CCDC158: variants seen among roughly 807,000 people sequenced by gnomAD.
CCDC158 encodes coiled-coil domain containing 158.
CCDC158 carries 116 observed loss-of-function variants against 138.6 expected under a neutral mutation model. The ratio of observed to expected loss-of-function variants is 0.84; its 90% CI spans 0.72 to 0.98. CCDC158 has a LOEUF of 0.98. CCDC158 is among the 50% of genes least tolerant of loss of function. The pLI is 0.00. For missense variants in CCDC158, 1,265 were observed against 1,306.1 expected, an observed-to-expected ratio of 0.97 and a Z score of 0.48; for synonymous variants, 436 against 442.4, an observed-to-expected ratio of 0.99 and a Z score of 0.18.
rs1725251571 is a variant in CCDC158, at chr4:76,371,647, T to A, written c.1030-111A>T. The A allele has an allele frequency of 3.7e-6, 5 of 1,351,860 alleles. No individual in the cohort carries two copies. In the Admixed American group the frequency reaches 1.0e-4, roughly 27 times the overall value. 83.7% of individuals were successfully genotyped at this position (1,351,860 alleles called of 1,614,324 possible). ...TTATTTTGAGAACAAAAATAAAAGT[T>A]CGTTGTGAGGCTGGGTGCAGTGGCT... On this transcript the variant is annotated intron_variant, in intron 9 of 24. Transcript: ENST00000682701.
At position 76,384,269 on chromosome 4, in the gene CCDC158, T is replaced by A. The variant is rs779904900; in HGVS notation, c.545A>T (p.His182Leu). 1.9e-6 allele frequency: 3 copies of A among 1,614,166 alleles called. No homozygotes were observed. The highest frequency in any genetic ancestry group is 4.5e-5 in the East Asian group (2 of 44,878). Residue 182 changes from histidine (H) to leucine (L), a missense_variant, in exon 6 of 25, where the codon CAT becomes CTT. Coordinates refer to ENST00000682701, the MANE Select transcript of CCDC158 (RefSeq NM_001394954.1). ...IEQLRKMMLS[H>L]EGVLQEIRSI... ...CCGGATTTCTTGAAGCACTCCCTCA[T>A]GACTAAGCATCATTTTTCGTAGTTG... is the stretch of plus-strand genomic sequence containing the variant.
Position 76,417,552 on chromosome 4 carries a change from C to G in CCDC158, c.-117+3413G>C, listed in dbSNP as rs115841594. 4.5e-3 allele frequency among the ~76,000 whole-genome samples: 681 copies of G among 152,126 alleles called. 6 individuals carry two copies. Among genetic ancestry groups the G allele is most frequent in the African/African-American group, 0.015 (623 of 41,534 alleles). ...CCAGAATTCCCATGTGTCATGGGAG[C>G]GACCCAGGGGGAGGTAATTTTCTCT... On this transcript the variant is annotated intron_variant, in intron 1 of 24. Coordinates refer to ENST00000682701, the MANE Select transcript of CCDC158 (RefSeq NM_001394954.1).
In CCDC158 at chr4:76,384,233, A is replaced by C; in HGVS notation, c.581T>G (p.Val194Gly). The change falls in exon 6 of 25, where the codon GTT becomes GGT. Residue 194 changes from valine (V) to glycine (G), a missense_variant. By Grantham distance (109) the Val-to-Gly change is moderately radical. Transcript: ENST00000682701. ...GVLQEIRSIL[V>G]DFEEASGKKI... ...TTTGCCTGAGGCTTCTTCAAAGTCA[A>C]CTAGGATTGACCGGATTTCTTGAAG... is the stretch of plus-strand genomic sequence containing the variant. 6.2e-7 allele frequency: 1 copy of C among 1,614,164 alleles called. No homozygotes were observed. Among genetic ancestry groups the C allele is most frequent in the African/African-American group, 1.3e-5 (1 of 75,060 alleles).
In CCDC158 at chr4:76,384,294, G is replaced by A; in HGVS notation, c.520C>T (p.Gln174Ter). ...TGACTAAGCATCATTTTTCGTAGTT[G>A]CTCTATCTGTGTGTTGCTGTCTTTC... The part of the protein sequence containing the change: ...MLKDSNTQIE[Q>*]LRKMMLSHEG... Residue 174 changes from glutamine to a stop codon, truncating the protein, a stop_gained, in exon 6 of 25, where the codon CAA becomes TAA. Coordinates refer to ENST00000682701, the MANE Select transcript of CCDC158 (RefSeq NM_001394954.1). LOFTEE classifies it high-confidence loss of function. 3.1e-6 allele frequency: 5 copies of A among 1,614,082 alleles called. No homozygotes were observed. The highest frequency in any genetic ancestry group is 4.2e-6 in the Non-Finnish European group (5 of 1,179,988).
chr4:76,383,246 C>A (rs1442304639), intron 7 of CCDC158, among the ~76,000 whole-genome samples: 2 of 152,154 alleles, frequency 1.3e-5, no homozygotes, highest in Non-Finnish European at 2.9e-5. Context: ...AGTCCTCCCA[C>A]CCTCGATATC....
At chr4:76,394,966 T>A (rs1727644981) in intron 4 of CCDC158, among the ~76,000 whole-genome samples, 1 of 152,032 alleles carries the variant, frequency 6.6e-6, no homozygotes, top group Non-Finnish European at 1.5e-5. Flanking sequence ...TATGATATGT[T>A]TTTTTCTAAT....
At chr4:76,411,835 C>T (rs925993289) in intron 2 of CCDC158, among the ~76,000 whole-genome samples, 4 of 152,144 alleles carry the variant, frequency 2.6e-5, no homozygotes, top group Admixed American at 2.0e-4. Context: ...GCCACACACC[C>T]TCCTCTCTGC....
chr4:76,375,461 C>A, intron 9 of CCDC158: 1 of 625,448 alleles, frequency 1.6e-6, no homozygotes, highest in South Asian at 1.9e-5. Context: ...CAGAACTATG[C>A]AGAGGTTTGC....
intron 2 of CCDC158, among the ~76,000 whole-genome samples, chr4:76,409,366 G>A (rs1330505664): frequency 6.6e-6 from 1 of 151,992 alleles, no homozygotes. Flanking sequence ...TCTGCACTTG[G>A]TTGAATTGGG....
chr4:76,371,553 A>C lies in CCDC158; in HGVS notation c.1030-17T>G, dbSNP rs1216759892. 4 of 1,613,748 alleles carry C rather than the reference A, an allele frequency of 2.5e-6. No individual in the cohort carries two copies. The highest frequency in any genetic ancestry group is 3.4e-6 in the Non-Finnish European group (4 of 1,179,728). On this transcript the variant is annotated splice_polypyrimidine_tract_variant and intron_variant, in intron 9 of 24. Coordinates refer to ENST00000682701, the MANE Select transcript of CCDC158 (RefSeq NM_001394954.1). The stretch of plus-strand genomic sequence containing the variant: ...CTCTTCTGTCTGAAAGGAAAGTACA[A>C]ATTGAACAGTGTCTGATTATGACAG...
upstream of CCDC158, among the ~76,000 whole-genome samples, chr4:76,421,245 G>A (rs1030497351): frequency 3.9e-5 from 6 of 152,170 alleles, no homozygotes; most frequent in East Asian, 1.2e-3. Flanking sequence ...TTCGTAGTTG[G>A]GGGAGGGGAG....
intron 3 of CCDC158, among the ~76,000 whole-genome samples, chr4:76,400,104 C>T (rs10001182): frequency 0.029 from 4,416 of 151,654 alleles, 216 homozygotes; most frequent in African/African-American, 0.1. Flanking sequence ...GTGTGATTTT[C>T]GTATGTTTAT....
intron 13 of CCDC158, among the ~76,000 whole-genome samples, chr4:76,360,648 G>T (rs764135041): frequency 6.6e-6 from 1 of 152,174 alleles, no homozygotes; most frequent in Non-Finnish European, 1.5e-5. Flanking sequence ...GACTTGCATG[G>T]GCCCTGTAGC....
At chr4:76,314,788 G>T (rs1032070638) in intron 24 of CCDC158, among the ~76,000 whole-genome samples, 6 of 152,194 alleles carry the variant, frequency 3.9e-5, no homozygotes, top group African/African-American at 1.4e-4. Flanking sequence ...CCTCGGGAAA[G>T]GTGGCTGGCA....
rs567550248 is a variant in CCDC158, at chr4:76,350,948, C to T, written c.2664+48G>A. 5 of 1,538,112 alleles carry T rather than the reference C, an allele frequency of 3.3e-6. No individual in the cohort carries two copies. The Admixed American group carries it at 5.7e-5, about 17-fold the overall frequency. ...CGTAATTCTTTCCAATTTAAAATTA[C>T]TTACGCATATGTCATTTGCGTAATG... is the stretch of plus-strand genomic sequence containing the variant. On this transcript the variant is annotated intron_variant, in intron 18 of 24. Transcript: ENST00000682701.
At chr4:76,398,403 A>C (rs1728023980) in intron 3 of CCDC158, among the ~76,000 whole-genome samples, 1 of 152,176 alleles carries the variant, frequency 6.6e-6, no homozygotes, top group Admixed American at 6.5e-5. Context: ...GTGGTGGCTC[A>C]TGGCTGTAAT....
chr4:76,322,257 TCAA>T (rs1434190507), intron 24 of CCDC158, among the ~76,000 whole-genome samples: 3 of 152,174 alleles, frequency 2.0e-5, no homozygotes, highest in African/African-American at 4.8e-5. Context: ...GGAATTTTCT[TCAA>T]CAACAATTTG....
intron 1 of CCDC158, among the ~76,000 whole-genome samples, chr4:76,420,480 T>C (rs939813396): frequency 6.6e-6 from 1 of 152,164 alleles, no homozygotes; most frequent in Admixed American, 6.5e-5. Context: ...GTGTTGCTGA[T>C]TGATGCTGAT....
At chr4:76,356,634 T>C (rs1723594373) in intron 14 of CCDC158, 1 of 152,148 alleles carries the variant, frequency 6.6e-6, no homozygotes, top group South Asian at 2.1e-4. Context: ...CATCAAGAAT[T>C]TGTGGTCGTC....
Sources: gnomAD v4.1 joint callset for allele counts (sites outside exome capture counted in the v4.1 genomes callset) on GRCh38, gnomAD v4.1.1 for gene constraint, MANE v1.5 for transcripts, NCBI Gene and HGNC (gene_info 2026-07-23, HGNC 2026-07-21) for gene names.